REEP5: variants seen among roughly 807,000 people sequenced by gnomAD.
REEP5 encodes the protein receptor expression-enhancing protein 5.
REEP5 carries 24 observed loss-of-function variants against 22.4 expected under a neutral mutation model. The observed-to-expected ratio is 1.07, with a 90% CI of 0.78 to 1.51. The LOEUF (loss-of-function observed/expected upper bound fraction) is 1.51, where lower values mean the gene tolerates loss of function less well. REEP5 is among the 40% of genes most tolerant of loss of function. The probability of loss-of-function intolerance (pLI) is 0.00; values close to 1 mark genes in which losing one functional copy is unlikely to be tolerated. For synonymous variants in REEP5, 103 were observed against 88.6 expected (o/e 1.16, Z -0.92); for missense variants, 252 against 233.0 (o/e 1.08, Z -0.53).
rs1767959799 is a variant in REEP5 at position 112,878,349 on chromosome 5, C to G, written c.*437G>C. The G allele has an allele frequency of 6.2e-6, 1 of 160,346 alleles. No homozygotes were observed. The allele number at this position is 160,346 out of a possible 1,614,324, so 9.9% of individuals were successfully genotyped here. A position where few individuals can be genotyped will look rare whatever the true frequency, so the allele number is the denominator to read the frequency against. On this transcript the variant is annotated 3_prime_UTR_variant, in exon 5 of 5. Coordinates refer to ENST00000379638, the MANE Select transcript of REEP5 (RefSeq NM_005669.5). ...AGTAACATTTCCATATGTACATGTGCACAAATACATTAAAAACATTTCAGA... is the reference window on the plus strand; with the variant it reads ...AGTAACATTTCCATATGTACATGTGGACAAATACATTAAAAACATTTCAGA...
chr5:112,884,671 C>T (rs1369410038), intron 4 of REEP5, among the ~76,000 whole-genome samples: 1 of 152,038 alleles, frequency 6.6e-6, no homozygotes, highest in African/African-American at 2.4e-5. Flanking sequence ...CAGGCTGAGT[C>T]ACTGTTCCTG....
At chr5:112,908,153 T>C (rs1363725410) in intron 2 of REEP5, among the ~76,000 whole-genome samples, 1 of 144,302 alleles carries the variant, frequency 6.9e-6, no homozygotes, top group Non-Finnish European at 1.5e-5. Context: ...CAGGCTGGAG[T>C]GCAGTGGCAC....
chr5:112,880,198 G>A (rs1416633895), intron 4 of REEP5, among the ~76,000 whole-genome samples: 2 of 152,108 alleles, frequency 1.3e-5, no homozygotes, highest in Non-Finnish European at 2.9e-5. Context: ...ATTCCTTGAA[G>A]CCAGGAGTTT....
intron 3 of REEP5, among the ~76,000 whole-genome samples, chr5:112,900,841 C>A (rs1015909604): frequency 8.3e-5 from 12 of 143,882 alleles, no homozygotes; most frequent in South Asian, 2.2e-4. Flanking sequence ...GAATATATTT[C>A]TTTTTTTTTT....
chr5:112,906,652 G>A (rs917756180), intron 2 of REEP5, among the ~76,000 whole-genome samples: 3 of 152,122 alleles, frequency 2.0e-5, no homozygotes, highest in African/African-American at 7.2e-5. Context: ...TGGTGTCCTA[G>A]TCCACTGGTC....
intron 3 of REEP5, chr5:112,895,165 G>A (rs564448093): frequency 2.7e-5 from 4 of 147,918 alleles, no homozygotes; most frequent in African/African-American, 1.0e-4. Context: ...CTGGAACCCA[G>A]GAGGCGGAGG....
chr5:112,902,420 T>C lies in REEP5; in HGVS notation c.311A>G (p.Asp104Gly), dbSNP rs1205921372. 4 of 1,613,072 alleles carry C rather than the reference T, an allele frequency of 2.5e-6. No homozygotes were observed. Among genetic ancestry groups the C allele is most frequent in the Non-Finnish European group, 3.4e-6 (4 of 1,179,732 alleles). The change falls in exon 3 of 5, where the codon GAT becomes GGT. Residue 104 changes from aspartate to glycine, a missense_variant. Transcript: ENST00000379638. The stretch of plus-strand genomic sequence containing the variant: ...GAAGGGGAACCATGACAGGAAGATA[T>C]CAGAGAAGAATTCAGCAATGCTGAA... ...GVFSIAEFFSDIFLSWFPFYY... is the reference protein window; with the variant it reads ...GVFSIAEFFSGIFLSWFPFYY...
intron 3 of REEP5, among the ~76,000 whole-genome samples, chr5:112,902,164 A>G (rs1427968033): frequency 1.3e-5 from 2 of 150,198 alleles, no homozygotes; most frequent in East Asian, 2.0e-4. Context: ...GTGTGCGCCT[A>G]TGGTCCCAGC....
intron 4 of REEP5, among the ~76,000 whole-genome samples, chr5:112,884,445 C>A (rs1476620008): frequency 6.6e-6 from 1 of 151,336 alleles, no homozygotes; most frequent in East Asian, 1.9e-4. Context: ...TAGAGTGGCA[C>A]AGCTCACTTG....
At chr5:112,915,029 T>C (rs1769200755) in intron 2 of REEP5, among the ~76,000 whole-genome samples, 1 of 152,224 alleles carries the variant, frequency 6.6e-6, no homozygotes, top group Admixed American at 6.5e-5. Context: ...CACCACTAAA[T>C]ACCTTAACAT....
rs184419389 is a variant in REEP5, at chr5:112,880,919, A to G, written c.521-2084T>C. ...CGAGGTGGGTGGATCACTTGAGGCC[A>G]GGAGTTTGAAACCAGCCTGGCCAAC... is the stretch of plus-strand genomic sequence containing the variant. On this transcript the variant is annotated intron_variant, in intron 4 of 4. Coordinates refer to ENST00000379638, the MANE Select transcript of REEP5 (RefSeq NM_005669.5). Among the ~76,000 whole-genome samples, 1,084 of 152,300 alleles carry G rather than the reference A, an allele frequency of 7.1e-3. 16 individuals are homozygous for G. The highest frequency in any genetic ancestry group is 7.9e-3 in the Non-Finnish European group (538 of 68,022).
chr5:112,883,864 C>A lies in REEP5; in HGVS notation c.520+3151G>T, dbSNP rs149761086. Among the ~76,000 whole-genome samples, 562 of 152,244 alleles carry A rather than the reference C, an allele frequency of 3.7e-3. 4 individuals are homozygous for A. The highest frequency in any genetic ancestry group is 0.013 in the African/African-American group (548 of 41,544). ...TGGCAATTTTATCCTTCCATCTGTTCAGGCTAAAAAGCTCGTCCTTGTCCT... is the reference window on the plus strand; with the variant it reads ...TGGCAATTTTATCCTTCCATCTGTTAAGGCTAAAAAGCTCGTCCTTGTCCT... On this transcript the variant is annotated intron_variant, in intron 4 of 4. Transcript: ENST00000379638.
chr5:112,921,419 C>T, intron 1 of REEP5, 163 bp from the exon 2 acceptor site: 1 of 688,148 alleles, frequency 1.5e-6, no homozygotes, highest in Non-Finnish European at 2.6e-6. Flanking sequence ...CCTGCGCGTC[C>T]GCTGGGCTAT....
chr5:112,906,030 T>C (rs1768950313), intron 2 of REEP5, among the ~76,000 whole-genome samples: 1 of 152,210 alleles, frequency 6.6e-6, no homozygotes, highest in African/African-American at 2.4e-5. Context: ...ATATTCCAAC[T>C]TGGTGTATCA....
intron 4 of REEP5, among the ~76,000 whole-genome samples, 182 bp from the exon 5 acceptor site, chr5:112,879,017 C>A (rs138456295): frequency 6.6e-6 from 1 of 151,736 alleles, no homozygotes; most frequent in South Asian, 2.1e-4. Context: ...GGAGAAGGTA[C>A]CTCTTAGAGC....
At chr5:112,901,176 A>G (rs541567581) in intron 3 of REEP5, among the ~76,000 whole-genome samples, 1 of 152,254 alleles carries the variant, frequency 6.6e-6, no homozygotes, top group South Asian at 2.1e-4. Flanking sequence ...ACAATCAACT[A>G]CAAGTTTTGG....
intron 2 of REEP5, among the ~76,000 whole-genome samples, chr5:112,903,103 G>C (rs1580747741): frequency 6.6e-6 from 1 of 152,240 alleles, no homozygotes; most frequent in East Asian, 1.9e-4. Flanking sequence ...CCTCTCCTCA[G>C]TTAATAACAG....
chr5:112,882,479 C>T (rs1359261400), intron 4 of REEP5, among the ~76,000 whole-genome samples: 3 of 152,234 alleles, frequency 2.0e-5, no homozygotes, highest in African/African-American at 7.2e-5. Flanking sequence ...AACCTTGACA[C>T]AACTCTCCAC....
At chr5:112,917,743 A>C (rs1580757046) in intron 2 of REEP5, among the ~76,000 whole-genome samples, 1 of 152,200 alleles carries the variant, frequency 6.6e-6, no homozygotes, top group African/African-American at 2.4e-5. Context: ...GCAGGGCTGC[A>C]CCAGACATTA....
Sources: gnomAD v4.1 joint callset for allele counts (sites outside exome capture counted in the v4.1 genomes callset) on GRCh38, gnomAD v4.1.1 for gene constraint, MANE v1.5 for transcripts, NCBI Gene and HGNC (gene_info 2026-07-23, HGNC 2026-07-21) for gene names.